Variants in SUCLA2 observed in about 807,000 individuals in gnomAD.
SUCLA2 encodes succinate--CoA ligase [ADP-forming] subunit beta, mitochondrial.
A neutral mutation model predicts 54.8 loss-of-function variants in SUCLA2; 30 were observed. The ratio of observed to expected loss-of-function variants is 0.55; its 90% confidence interval spans 0.41 to 0.74. SUCLA2 has a LOEUF of 0.74. Ranked by LOEUF, SUCLA2 falls within the 30% of genes least tolerant of loss-of-function variation. SUCLA2 has a pLI of 0.00. For missense variants in SUCLA2, 476 were observed against 562.9 expected, an observed-to-expected ratio of 0.85 and a Z score of 1.56; for synonymous variants, 172 against 188.9, an observed-to-expected ratio of 0.91 and a Z score of 0.74.
intron 4 of SUCLA2, among the ~76,000 whole-genome samples, chr13:47,983,672 G>A (rs1257222913): frequency 6.6e-6 from 1 of 152,022 alleles, no homozygotes; most frequent in African/African-American, 2.4e-5. Context: ...TGTACTTTTA[G>A]TAGAGACAGG....
chr13:47,998,354 TACCTCC>T lies in SUCLA2; in HGVS notation c.91-1337_91-1332del, dbSNP rs561922119. 1.2e-3 allele frequency among the ~76,000 whole-genome samples: 179 copies of T among 150,420 alleles called. 1 individual carries two copies. The highest frequency in any genetic ancestry group is 1.1e-3 in the Non-Finnish European group (75 of 67,682). On this transcript the variant is annotated intron_variant, in intron 1 of 10. Transcript: ENST00000646932. ...CAACCTCTCAAACTACTGTTTAGTA[TACCTCC>T]ACCTTCTGACTCAGAAATCCCATTC...
chr13:47,971,109 C>A (rs1949959864), intron 5 of SUCLA2, among the ~76,000 whole-genome samples: 1 of 151,794 alleles, frequency 6.6e-6, no homozygotes, highest in South Asian at 2.1e-4. Context: ...TATTCAAATT[C>A]TTCTTTTAAG....
At chr13:47,947,496 T>G (rs904671551) in intron 10 of SUCLA2, among the ~76,000 whole-genome samples, 2 of 152,178 alleles carry the variant, frequency 1.3e-5, no homozygotes, top group Non-Finnish European at 2.9e-5. Flanking sequence ...AAGTATTACT[T>G]TTTAGAAGCA....
At chr13:47,943,766 G>GTGTGTATATA (rs1300486540) in intron 10 of SUCLA2, among the ~76,000 whole-genome samples, 64 of 139,660 alleles carry the variant, frequency 4.6e-4, no homozygotes, top group African/African-American at 1.4e-3. Context: ...GTGTGTGTGT[G>GTGTGTATATA]TATATATATA....
At chr13:47,988,734 T>C (rs768045965) in intron 3 of SUCLA2, 31 bp from the exon 4 acceptor site, 5 of 1,612,302 alleles carry the variant, frequency 3.1e-6, no homozygotes, top group Non-Finnish European at 3.4e-6. Flanking sequence ...CAAATTTTTC[T>C]TTCCTCCAGT....
chr13:47,945,490 G>A (rs1170472935), intron 10 of SUCLA2, among the ~76,000 whole-genome samples: 3 of 149,316 alleles, frequency 2.0e-5, no homozygotes, highest in Non-Finnish European at 1.5e-5. Flanking sequence ...AAGAGTGTTC[G>A]AGTGTTCAAT....
Position 47,996,991 on chromosome 13 carries a change from A to G in SUCLA2, c.123T>C (p.His41=), listed in dbSNP as rs779964195. 7 of 1,614,090 alleles carry G rather than the reference A, an allele frequency of 4.3e-6. No homozygotes were observed. Among genetic ancestry groups the G allele is most frequent in the Non-Finnish European group, 5.9e-6 (7 of 1,180,014 alleles). Residue 41 remains histidine (H), a synonymous_variant, in exon 2 of 11, where the codon CAT becomes CAC. Coordinates refer to ENST00000646932, the MANE Select transcript of SUCLA2 (RefSeq NM_003850.3). ...VLGSSGLFNN[H]GLQVQQQQQR... The stretch of plus-strand genomic sequence containing the variant: ...GCTGTTGCTGCTGTACTTGGAGTCC[A>G]TGGTTATTAAACAATCCAGAACTTC...
chr13:47,988,822 A>G lies in SUCLA2; in HGVS notation c.371+60T>C, dbSNP rs574988306. On this transcript the variant is annotated intron_variant, in intron 3 of 10. Coordinates refer to ENST00000646932, the MANE Select transcript of SUCLA2 (RefSeq NM_003850.3). ...AAATTTCAGTATTTTCATCAATTCA[A>G]TAAGTAATCTTTAATCAGTCTTTAA... is the stretch of plus-strand genomic sequence containing the variant. 2,206 of 1,595,738 alleles carry G rather than the reference A, an allele frequency of 1.4e-3. 47 individuals are homozygous for G. In the South Asian group the frequency reaches 0.023, roughly 17 times the overall value.
At position 47,979,553 on chromosome 13, in the gene SUCLA2, G is replaced by C. The variant is rs1052213636; in HGVS notation, c.535-6161C>G. 5.9e-5 allele frequency among the ~76,000 whole-genome samples: 9 copies of C among 152,160 alleles called. No homozygotes were observed. In the South Asian group the frequency reaches 1.9e-3, roughly 32 times the overall value. On this transcript the variant is annotated intron_variant, in intron 4 of 10. Transcript: ENST00000646932. ...CCTAATGTAGATGACAGGTTGATGG[G>C]TGCAGCAAACCACCATGGCACGTGT...
chr13:47,963,474 T>C (rs552467970), intron 6 of SUCLA2, among the ~76,000 whole-genome samples: 1 of 151,884 alleles, frequency 6.6e-6, no homozygotes, highest in Admixed American at 6.5e-5. Flanking sequence ...AGAAACACCA[T>C]CTCTACTAAA....
At chr13:47,971,072 A>C (rs1949959421) in intron 5 of SUCLA2, among the ~76,000 whole-genome samples, 1 of 151,466 alleles carries the variant, frequency 6.6e-6, no homozygotes, top group Admixed American at 6.6e-5. Flanking sequence ...TAATAAAAAA[A>C]AAGAAATGTT....
intron 4 of SUCLA2, among the ~76,000 whole-genome samples, chr13:47,978,606 C>T (rs193166255): frequency 6.6e-6 from 1 of 152,272 alleles, no homozygotes; most frequent in Admixed American, 6.5e-5. Flanking sequence ...TAGGCATAGG[C>T]AAGGACTTCA....
chr13:47,957,294 C>T (rs1206212129), intron 6 of SUCLA2, among the ~76,000 whole-genome samples: 1 of 152,202 alleles, frequency 6.6e-6, no homozygotes, highest in East Asian at 1.9e-4. Context: ...TCTTCCTTGG[C>T]AATACTTGTC....
chr13:47,984,738 T>G (rs1428795690), intron 4 of SUCLA2, among the ~76,000 whole-genome samples: 1 of 151,696 alleles, frequency 6.6e-6, no homozygotes, highest in Non-Finnish European at 1.5e-5. Flanking sequence ...ATGGCACCAC[T>G]GCACTCCAGC....
At chr13:47,971,014 C>T (rs1173951142) in intron 5 of SUCLA2, among the ~76,000 whole-genome samples, 9 of 151,638 alleles carry the variant, frequency 5.9e-5, no homozygotes, top group Non-Finnish European at 1.0e-4. Flanking sequence ...CCAGCCTGGG[C>T]GACAGAGCGA....
chr13:47,983,646 C>T (rs1593497538), intron 4 of SUCLA2, among the ~76,000 whole-genome samples: 1 of 152,076 alleles, frequency 6.6e-6, no homozygotes, highest in South Asian at 2.1e-4. Context: ...CCTGCCGCCA[C>T]GCCTGGCTAA....
At chr13:47,948,476 T>A (rs1240724178) in intron 10 of SUCLA2, among the ~76,000 whole-genome samples, 2 of 152,056 alleles carry the variant, frequency 1.3e-5, no homozygotes, top group Admixed American at 1.3e-4. Context: ...TGCCTCAGCC[T>A]CCCAAAGGCT....
intron 4 of SUCLA2, among the ~76,000 whole-genome samples, chr13:47,975,466 A>G (rs1434295439): frequency 6.6e-6 from 1 of 152,136 alleles, no homozygotes; most frequent in African/African-American, 2.4e-5. Context: ...CCACTTTTCT[A>G]TCCTAGCACT....
intron 8 of SUCLA2, among the ~76,000 whole-genome samples, chr13:47,951,487 A>G (rs1222538644): frequency 1.3e-5 from 2 of 152,178 alleles, no homozygotes; most frequent in Non-Finnish European, 2.9e-5. Flanking sequence ...TTCCTCTGCC[A>G]TCCTACTTCA....
Sources: gnomAD v4.1 joint callset for allele counts (sites outside exome capture counted in the v4.1 genomes callset) on GRCh38, gnomAD v4.1.1 for gene constraint, MANE v1.5 for transcripts, NCBI Gene and HGNC (gene_info 2026-07-23, HGNC 2026-07-21) for gene names.